The following SHF variants were observed in gnomAD, a reference collection of about 807,000 sequenced individuals.
SHF encodes the protein SH2 domain-containing adapter protein F.
A neutral mutation model predicts 42.4 loss-of-function variants in SHF; 30 were observed. The ratio of observed to expected loss-of-function variants is 0.71; its 90% CI spans 0.53 to 0.96. The LOEUF is 0.96. SHF is among the 40% of genes least tolerant of loss of function. SHF has a pLI of 0.00. For synonymous variants in SHF, 264 were observed against 269.9 expected (o/e 0.98, Z 0.21); for missense variants, 598 against 634.0 (o/e 0.94, Z 0.61).
intron 1 of SHF, among the ~76,000 whole-genome samples, chr15:45,179,555 G>A (rs775146061): frequency 3.9e-5 from 6 of 152,184 alleles, no homozygotes; most frequent in Non-Finnish European, 2.9e-5. Context: ...CACACACTCC[G>A]AAGAGGCACT....
chr15:45,182,864 A>G (rs1001467254), intron 1 of SHF, among the ~76,000 whole-genome samples: 1 of 152,182 alleles, frequency 6.6e-6, no homozygotes, highest in Non-Finnish European at 1.5e-5. Flanking sequence ...TCCTTCTCCT[A>G]TTTTATCTGA....
intron 1 of SHF, among the ~76,000 whole-genome samples, chr15:45,199,546 C>G (rs1229697700): frequency 6.6e-6 from 1 of 152,154 alleles, no homozygotes; most frequent in Non-Finnish European, 1.5e-5. Flanking sequence ...TTCTACCCTC[C>G]TCACCCTCAC....
chr15:45,200,983 G>GAGA, exon 1 of SHF: 1 of 397,354 alleles, frequency 2.5e-6, no homozygotes, highest in South Asian at 1.8e-5. Flanking sequence ...CAGCCAAGAG[G>GAGA]AGACTTCGGG....
intron 3 of SHF, chr15:45,174,537 T>A (rs965415173): frequency 6.6e-6 from 1 of 151,940 alleles, no homozygotes; most frequent in African/African-American, 2.4e-5. Context: ...CAGGCAGGAG[T>A]GAAGTCGAAT....
intron 2 of SHF, among the ~76,000 whole-genome samples, chr15:45,193,630 A>C (rs1481958352): frequency 6.6e-6 from 1 of 152,212 alleles, no homozygotes; most frequent in Non-Finnish European, 1.5e-5. Context: ...TTCCACAAGG[A>C]AATTCCTTGT....
At chr15:45,170,178 A>C (rs1474881142) in intron 6 of SHF, 1 of 321,304 alleles carries the variant, frequency 3.1e-6, no homozygotes, top group Non-Finnish European at 5.7e-6. Context: ...GGAGCCCTGG[A>C]ATACCATAGT....
At position 45,186,451 on chromosome 15, in the gene SHF, C is replaced by T. The variant is rs185030905; in HGVS notation, c.498+1003G>A. Among the ~76,000 whole-genome samples the T allele has an allele frequency of 2.7e-3, 411 of 152,364 alleles. 2 individuals carry two copies. The highest frequency in any genetic ancestry group is 5.0e-3 in the Admixed American group (77 of 15,308). On this transcript the variant is annotated intron_variant, in intron 1 of 6. Coordinates refer to ENST00000690270, the MANE Select transcript of SHF (RefSeq NM_001394037.1). ...GAAGGGGGCAGGCCCCAGAACTGAGCTCTCGGGGTGAGTGAAGAAGGACAG... is the reference window on the plus strand; with the variant it reads ...GAAGGGGGCAGGCCCCAGAACTGAGTTCTCGGGGTGAGTGAAGAAGGACAG...
chr15:45,192,796 G>A (rs1452267043), upstream of SHF, among the ~76,000 whole-genome samples: 2 of 151,952 alleles, frequency 1.3e-5, no homozygotes, highest in Non-Finnish European at 2.9e-5. Context: ...TTATCTTTTT[G>A]AAATGTCCAG....
chr15:45,197,249 T>TAAA (rs144408027), intron 2 of SHF, among the ~76,000 whole-genome samples: 1 of 122,664 alleles, frequency 8.2e-6, no homozygotes, highest in Non-Finnish European at 1.7e-5. Context: ...ACCTTGTCTC[T>TAAA]AAAAAAAAAA....
chr15:45,188,249 G>A (rs1227430595), upstream of SHF, among the ~76,000 whole-genome samples: 1 of 152,194 alleles, frequency 6.6e-6, no homozygotes, highest in East Asian at 1.9e-4. Flanking sequence ...CCTGTGGGGA[G>A]CGCATCCATC....
chr15:45,175,682 C>T (rs956925435), intron 2 of SHF, among the ~76,000 whole-genome samples: 1 of 152,186 alleles, frequency 6.6e-6, no homozygotes, highest in Non-Finnish European at 1.5e-5. Flanking sequence ...CAACAGCCAG[C>T]GAGGGCTGGG....
At chr15:45,187,248 CAG>C (rs1293716413) in intron 1 of SHF, among the ~76,000 whole-genome samples, 1 of 152,170 alleles carries the variant, frequency 6.6e-6, no homozygotes, top group Non-Finnish European at 1.5e-5. Flanking sequence ...GGCAGAGGGG[CAG>C]AGTTTGGGGC....
At chr15:45,192,358 A>ATTTTTTTTTT (rs1193075020), upstream of SHF, among the ~76,000 whole-genome samples, 1 of 75,578 alleles carries the variant, frequency 1.3e-5, no homozygotes. Flanking sequence ...CTGATTCCAG[A>ATTTTTTTTTT]TTTTTTTTTT....
In SHF at chr15:45,187,613, C is replaced by T. The variant is rs2141423587; in HGVS notation, c.339G>A (p.Ser113=). Residue 113 remains serine, a synonymous_variant, in exon 1 of 7, where the codon TCG becomes TCA. Coordinates refer to ENST00000690270, the MANE Select transcript of SHF (RefSeq NM_001394037.1). The part of the protein sequence containing the change: ...RDFEDPYSGG[S]SGSAALATPV... The stretch of plus-strand genomic sequence containing the variant: ...GGGTGGCGAGGGCGGCGGAGCCGGA[C>T]GACCCCCCGGAGTAGGGGTCTTCGA... 8.1e-7 allele frequency: 1 copy of T among 1,230,002 alleles called. No homozygotes were observed. The highest frequency in any genetic ancestry group is 1.6e-5 in the African/African-American group (1 of 64,320). 76.2% of individuals were successfully genotyped at this position (1,230,002 alleles called of 1,614,324 possible). A position where few individuals can be genotyped will look rare whatever the true frequency, so the allele number is the denominator to read the frequency against.
chr15:45,196,391 G>T (rs950260839), intron 2 of SHF, among the ~76,000 whole-genome samples: 1 of 152,250 alleles, frequency 6.6e-6, no homozygotes, highest in East Asian at 1.9e-4. Flanking sequence ...ACTGTGCCTG[G>T]CTGACTTCCT....
At chr15:45,191,373 G>A (rs957054401), upstream of SHF, among the ~76,000 whole-genome samples, 1 of 152,160 alleles carries the variant, frequency 6.6e-6, no homozygotes, top group Non-Finnish European at 1.5e-5. Flanking sequence ...ATTTTCTAGA[G>A]ACGAAGTTCT....
chr15:45,191,887 A>G (rs1020380753), upstream of SHF, among the ~76,000 whole-genome samples: 1 of 151,896 alleles, frequency 6.6e-6, no homozygotes, highest in Non-Finnish European at 1.5e-5. Flanking sequence ...TCAGATGTTC[A>G]AAACCAGGCT....
chr15:45,193,518 G>GCAATAGGGCAGAGGAAA (rs774237779), intron 2 of SHF, among the ~76,000 whole-genome samples: 2 of 152,148 alleles, frequency 1.3e-5, no homozygotes, highest in African/African-American at 4.8e-5. Context: ...GTTTAGTGAA[G>GCAATAGGGCAGAGGAAA]CAATAGGGCA....
intron 1 of SHF, among the ~76,000 whole-genome samples, chr15:45,186,661 C>A (rs1898422906): frequency 6.6e-6 from 1 of 152,256 alleles, no homozygotes; most frequent in Non-Finnish European, 1.5e-5. Context: ...TCCAGCCTCC[C>A]TCAGAATGGA....
Sources: gnomAD v4.1 joint callset for allele counts (sites outside exome capture counted in the v4.1 genomes callset) on GRCh38, gnomAD v4.1.1 for gene constraint, MANE v1.5 for transcripts, NCBI Gene and HGNC (gene_info 2026-07-23, HGNC 2026-07-21) for gene names.